The following SNAP25 variants were observed in gnomAD, a reference collection of about 807,000 sequenced individuals.
The protein encoded by SNAP25 is synaptosome associated protein 25, also known as synaptosomal-associated protein 25.
SNAP25 carries 3 observed loss-of-function variants against 28.7 expected under a neutral mutation model. That is an observed-to-expected ratio of 0.10 (90% CI 0.05 to 0.27). SNAP25 has a LOEUF of 0.27. SNAP25 is among the 10% of genes least tolerant of loss of function. SNAP25 has a pLI of 1.00. For missense variants in SNAP25, 117 were observed against 278.7 expected (o/e 0.42, Z 4.13); for synonymous variants, 61 against 88.1 (o/e 0.69, Z 1.72).
chr20:10,225,143 C>A, intron 1 of SNAP25, among the ~76,000 whole-genome samples: 1 of 151,744 alleles, frequency 6.6e-6, no homozygotes, highest in East Asian at 1.9e-4. Context: ...AGCTTTAAAG[C>A]CTATGAGGTC....
At chr20:10,301,849 A>T (rs2064244447) in intron 7 of SNAP25, among the ~76,000 whole-genome samples, 2 of 146,472 alleles carry the variant, frequency 1.4e-5, no homozygotes, top group Admixed American at 1.4e-4. Flanking sequence ...TATATATATA[A>T]ATAAATAACT....
chr20:10,291,063 AT>A lies in SNAP25; in HGVS notation c.164-2090del, dbSNP rs920246964. ...TTGCCATATATATAGCCTTTTAAAA[AT>A]TTTTTTTAATTGTAATTTTTATTTT... On this transcript the variant is annotated intron_variant, in intron 4 of 7. Transcript: ENST00000254976. Among the ~76,000 whole-genome samples, 27 of 152,154 alleles carry A rather than the reference AT, an allele frequency of 1.8e-4. No individual in the cohort carries two copies. The East Asian group carries it at 3.7e-3, about 21-fold the overall frequency.
intron 4 of SNAP25, among the ~76,000 whole-genome samples, chr20:10,287,643 G>C (rs1413624355): frequency 1.4e-5 from 2 of 141,644 alleles, no homozygotes; most frequent in Non-Finnish European, 3.0e-5. Flanking sequence ...ATTTGACCCA[G>C]CCGTCCCATT....
chr20:10,282,283 A>G (rs2063795825), intron 3 of SNAP25, among the ~76,000 whole-genome samples: 1 of 152,140 alleles, frequency 6.6e-6, no homozygotes, highest in South Asian at 2.1e-4. Context: ...CAACCACTCA[A>G]TCTTTTCAAT....
At chr20:10,247,431 C>G (rs879418887) in intron 1 of SNAP25, among the ~76,000 whole-genome samples, 13 of 152,114 alleles carry the variant, frequency 8.5e-5, no homozygotes, top group African/African-American at 2.4e-4. Flanking sequence ...CCTTTTAGAC[C>G]AACACAGGCA....
At chr20:10,299,155 A>G in intron 6 of SNAP25, 113 bp from the exon 7 acceptor site, 1 of 1,186,766 alleles carries the variant, frequency 8.4e-7, no homozygotes, top group Non-Finnish European at 1.2e-6. Context: ...TGGAGATTAA[A>G]GATAGATAAA....
intron 1 of SNAP25, among the ~76,000 whole-genome samples, chr20:10,265,237 A>G (rs745419360): frequency 3.0e-4 from 46 of 152,228 alleles, no homozygotes; most frequent in Non-Finnish European, 5.1e-4. Flanking sequence ...AGTCCATCCC[A>G]TGCTTTAGAA....
At chr20:10,229,019 T>C (rs1185805235) in intron 1 of SNAP25, among the ~76,000 whole-genome samples, 1 of 152,132 alleles carries the variant, frequency 6.6e-6, no homozygotes, top group African/African-American at 2.4e-5. Flanking sequence ...GGGAATGACC[T>C]CATGTTTCTC....
chr20:10,297,048 C>T lies in SNAP25; in HGVS notation c.405C>T (p.Arg135=). The T allele has an allele frequency of 6.3e-7, 1 of 1,596,268 alleles. No homozygotes were observed. Among genetic ancestry groups the T allele is most frequent in the Non-Finnish European group, 8.5e-7 (1 of 1,170,826 alleles). The part of the protein sequence containing the change: ...EQMAISGGFI[R]RVTNDARENE... ...TGGCCATCAGTGGCGGCTTCATCCG[C>T]AGGTGAGCCTCATGCAGCATACACT... The change falls in exon 6 of 8, where the codon CGC becomes CGT. Residue 135 remains arginine, a splice_region_variant and synonymous_variant. Transcript: ENST00000254976.
intron 2 of SNAP25, 132 bp from the exon 3 acceptor site, chr20:10,277,553 C>A: frequency 1.4e-6 from 1 of 711,412 alleles, no homozygotes; most frequent in Non-Finnish European, 2.3e-6. Context: ...TTTTTTGTTT[C>A]ACTTGCCAAC....
At position 10,230,088 on chromosome 20, in the gene SNAP25, C is replaced by G. The variant is rs184663673; in HGVS notation, c.-64+11111C>G. Among the ~76,000 whole-genome samples the G allele has an allele frequency of 1.4e-4, 22 of 152,190 alleles. No individual in the cohort carries two copies. In the East Asian group the frequency reaches 3.3e-3, roughly 23 times the overall value. On this transcript the variant is annotated intron_variant, in intron 1 of 7. Transcript: ENST00000254976. ...TTCTCTCCTTTTCCCACCCATACCCCCAAGTGACAGAACCTGCTTCCAGAA... is the reference window on the plus strand; with the variant it reads ...TTCTCTCCTTTTCCCACCCATACCCGCAAGTGACAGAACCTGCTTCCAGAA...
At chr20:10,230,961 T>A (rs2062819496) in intron 1 of SNAP25, among the ~76,000 whole-genome samples, 1 of 152,240 alleles carries the variant, frequency 6.6e-6, no homozygotes, top group South Asian at 2.1e-4. Flanking sequence ...AGTGGCCCAA[T>A]CCCAGCCCCC....
At position 10,293,400 on chromosome 20, in the gene SNAP25, C is replaced by T; in HGVS notation, c.281+122C>T. On this transcript the variant is annotated intron_variant, in intron 5 of 7. Transcript: ENST00000254976. The surrounding 1 kb of genome is among the most constrained non-coding windows in gnomAD (Gnocchi z 5.6). ...ATGTGGCATGCAGAACAGATCAATA[C>T]CGTCTCCAATGCATTCATCTCATAG... The T allele has an allele frequency of 4.3e-6, 3 of 701,678 alleles. No individual in the cohort carries two copies. The highest frequency in any genetic ancestry group is 3.5e-5 in the South Asian group (2 of 56,968). The allele number at this position is 701,678 out of a possible 1,614,324, so 43.5% of individuals were successfully genotyped here. A position where few individuals can be genotyped will look rare whatever the true frequency, so the allele number is the denominator to read the frequency against.
chr20:10,277,285 G>A (rs1226884678), intron 2 of SNAP25, among the ~76,000 whole-genome samples: 1 of 152,080 alleles, frequency 6.6e-6, no homozygotes, highest in East Asian at 1.9e-4. Flanking sequence ...TATTCATCTC[G>A]ATTCATGAAA....
intron 1 of SNAP25, among the ~76,000 whole-genome samples, chr20:10,220,773 T>G (rs1417467903): frequency 6.6e-6 from 1 of 152,240 alleles, no homozygotes; most frequent in Non-Finnish European, 1.5e-5. Context: ...CATGATCCCC[T>G]TAAAAGACCC....
At chr20:10,254,528 C>T (rs144066231) in intron 1 of SNAP25, among the ~76,000 whole-genome samples, 27 of 152,312 alleles carry the variant, frequency 1.8e-4, no homozygotes, top group East Asian at 1.4e-3. Flanking sequence ...CCTTTTCCCG[C>T]GCACTCCCAC....
intron 1 of SNAP25, among the ~76,000 whole-genome samples, chr20:10,224,950 G>A (rs925394192): frequency 6.6e-6 from 1 of 151,870 alleles, no homozygotes; most frequent in African/African-American, 2.4e-5. Flanking sequence ...CTGCCGCTTA[G>A]CAAAGAGGAA....
At chr20:10,299,483 G>A in intron 7 of SNAP25, 71 bp downstream of exon 7, 1 of 1,477,414 alleles carries the variant, frequency 6.8e-7, no homozygotes, top group Admixed American at 2.1e-5. Context: ...AGTGTGAAGG[G>A]CATAACAAGA....
chr20:10,248,351 T>C (rs2063165917), intron 1 of SNAP25, among the ~76,000 whole-genome samples: 1 of 152,208 alleles, frequency 6.6e-6, no homozygotes, highest in Non-Finnish European at 1.5e-5. Flanking sequence ...AGTGTTTTTT[T>C]CTGATTATAA....
Sources: gnomAD v4.1 joint callset for allele counts (sites outside exome capture counted in the v4.1 genomes callset) on GRCh38, gnomAD v4.1.1 for gene constraint, Gnocchi (gnomAD v3.1) non-coding constraint, MANE v1.5 for transcripts, NCBI Gene and HGNC (gene_info 2026-07-23, HGNC 2026-07-21) for gene names.